Variants in LMBR1 observed in about 807,000 individuals in gnomAD.
LMBR1 encodes the protein limb region 1 protein homolog.
LMBR1 carries 52 observed loss-of-function variants against 73.9 expected under a neutral mutation model. The ratio of observed to expected loss-of-function variants is 0.70; its 90% CI spans 0.56 to 0.89. The LOEUF (loss-of-function observed/expected upper bound fraction) is 0.89, where lower values mean the gene tolerates loss of function less well. Among genes scored for constraint, LMBR1 ranks in the 40% least tolerant of loss-of-function variants. The pLI is 0.00. For synonymous variants in LMBR1, 215 were observed against 209.4 expected, an observed-to-expected ratio of 1.03 and a Z score of -0.23; for missense variants, 539 against 579.8, an observed-to-expected ratio of 0.93 and a Z score of 0.72.
downstream of LMBR1, among the ~76,000 whole-genome samples, chr7:156,675,218 T>TG (rs1445566594): frequency 6.6e-6 from 1 of 152,148 alleles, no homozygotes; most frequent in Admixed American, 6.5e-5. Flanking sequence ...ACAGAGGTCG[T>TG]GGGGAAGCAT....
In LMBR1 at chr7:156,679,906, A is replaced by G. The variant is rs757548341; in HGVS notation, c.*4172T>C. The G allele has an allele frequency of 6.6e-6, 1 of 152,208 alleles. No individual in the cohort carries two copies. Among genetic ancestry groups the G allele is most frequent in the Non-Finnish European group, 1.5e-5 (1 of 68,044 alleles). 9.4% of individuals were successfully genotyped at this position (152,208 alleles called of 1,614,324 possible). Reference sequence around the variant, plus strand: ...GTTAACCTTGAAAAAATTTTTTCCTAATTAAAGAACACAGAATTGGAAGTT... The same window carrying G: ...GTTAACCTTGAAAAAATTTTTTCCTGATTAAAGAACACAGAATTGGAAGTT... On this transcript the variant is annotated 3_prime_UTR_variant, in exon 17 of 17. Coordinates refer to ENST00000353442, the MANE Select transcript of LMBR1 (RefSeq NM_022458.4).
intron 9 of LMBR1, among the ~76,000 whole-genome samples, chr7:156,754,002 C>T (rs1396874396): frequency 6.6e-6 from 1 of 151,718 alleles, no homozygotes; most frequent in African/African-American, 2.4e-5. Context: ...CCTATGATCT[C>T]GAGACTCAGC....
chr7:156,741,457 A>G (rs1010608172), intron 9 of LMBR1, among the ~76,000 whole-genome samples: 2 of 152,226 alleles, frequency 1.3e-5, no homozygotes, highest in African/African-American at 4.8e-5. Flanking sequence ...AGGCATAGAA[A>G]AAGATATTCC....
intron 6 of LMBR1, 147 bp from the exon 7 acceptor site, chr7:156,763,323 TAA>T (rs1823473227): frequency 2.1e-6 from 1 of 471,614 alleles, no homozygotes; most frequent in South Asian, 4.7e-5. Flanking sequence ...ATATAATTTC[TAA>T]ATTGTACAAT....
At chr7:156,889,486 C>T (rs1161514889) in intron 1 of LMBR1, among the ~76,000 whole-genome samples, 3 of 152,172 alleles carry the variant, frequency 2.0e-5, no homozygotes, top group African/African-American at 4.8e-5. Flanking sequence ...TATTTACATT[C>T]ACTCTAAATA....
intron 5 of LMBR1, among the ~76,000 whole-genome samples, chr7:156,795,574 G>A (rs1285285456): frequency 3.3e-5 from 5 of 152,020 alleles, no homozygotes; most frequent in Non-Finnish European, 5.9e-5. Flanking sequence ...TTTATTCTTG[G>A]TTTTTGTTTG....
At chr7:156,783,882 G>C (rs901231869) in intron 5 of LMBR1, among the ~76,000 whole-genome samples, 2 of 152,116 alleles carry the variant, frequency 1.3e-5, no homozygotes, top group Admixed American at 1.3e-4. Context: ...CATCATCAAA[G>C]TGTATGTGTA....
At chr7:156,890,641 CACT>C (rs1802741828) in intron 1 of LMBR1, among the ~76,000 whole-genome samples, 1 of 152,082 alleles carries the variant, frequency 6.6e-6, no homozygotes, top group Non-Finnish European at 1.5e-5. Context: ...GTATGATGAA[CACT>C]ATAACACACT....
intron 9 of LMBR1, among the ~76,000 whole-genome samples, chr7:156,738,784 T>G (rs1818367858): frequency 6.6e-6 from 1 of 151,898 alleles, no homozygotes; most frequent in African/African-American, 2.4e-5. Context: ...ACCTACTGAC[T>G]AAAGAGCCCT....
chr7:156,713,369 G>A (rs116106308), intron 15 of LMBR1, among the ~76,000 whole-genome samples: 1,582 of 151,716 alleles, frequency 0.01, 31 homozygotes, highest in African/African-American at 0.036. Context: ...CACCAGGAAT[G>A]AACCCTAACG....
intron 9 of LMBR1, among the ~76,000 whole-genome samples, chr7:156,742,076 T>C (rs1206018746): frequency 2.6e-5 from 4 of 152,142 alleles, no homozygotes; most frequent in African/African-American, 7.2e-5. Context: ...AAGGGGTAAA[T>C]TGAAAACTTT....
intron 1 of LMBR1, among the ~76,000 whole-genome samples, chr7:156,891,190 C>CAAAAAAAAA (rs58107543): frequency 7.3e-4 from 15 of 20,664 alleles, no homozygotes; most frequent in African/African-American, 2.2e-3. Flanking sequence ...GACTCCATCA[C>CAAAAAAAAA]AAAAAAAAAA....
chr7:156,747,411 C>T (rs181498685), intron 9 of LMBR1, among the ~76,000 whole-genome samples: 17 of 152,184 alleles, frequency 1.1e-4, no homozygotes, highest in African/African-American at 4.1e-4. Flanking sequence ...AGTATTTATT[C>T]AATAACTAAG....
intron 1 of LMBR1, among the ~76,000 whole-genome samples, chr7:156,849,742 A>G (rs7786559): frequency 0.018 from 2,720 of 152,274 alleles, 86 homozygotes; most frequent in African/African-American, 0.061. Context: ...ATTCTGTATG[A>G]TTCTATAAGG....
chr7:156,763,809 T>C lies in LMBR1; in HGVS notation c.424-14A>G. The C allele has an allele frequency of 6.4e-7, 1 of 1,574,748 alleles. No individual in the cohort carries two copies. The highest frequency in any genetic ancestry group is 8.6e-7 in the Non-Finnish European group (1 of 1,166,492). Reference sequence around the variant, plus strand: ...GGCTCGGATTCCCTGAAAAATAGAGTAGAAATATAATTTTAGTATTTTACT... The same window carrying C: ...GGCTCGGATTCCCTGAAAAATAGAGCAGAAATATAATTTTAGTATTTTACT... On this transcript the variant is annotated splice_polypyrimidine_tract_variant and intron_variant, in intron 5 of 16. Coordinates refer to ENST00000353442, the MANE Select transcript of LMBR1 (RefSeq NM_022458.4).
At chr7:156,729,133 G>A (rs538471172) in intron 10 of LMBR1, among the ~76,000 whole-genome samples, 3 of 152,186 alleles carry the variant, frequency 2.0e-5, no homozygotes, top group East Asian at 1.9e-4. Context: ...CACGAACTAC[G>A]ATACCCAGAC....
At chr7:156,872,829 C>T (rs909285598) in intron 1 of LMBR1, among the ~76,000 whole-genome samples, 2 of 152,154 alleles carry the variant, frequency 1.3e-5, no homozygotes, top group South Asian at 2.1e-4. Context: ...AGACTCACAT[C>T]GTGAACCTTT....
chr7:156,839,345 A>AGCC (rs1838235294), intron 1 of LMBR1, among the ~76,000 whole-genome samples: 1 of 152,086 alleles, frequency 6.6e-6, no homozygotes, highest in African/African-American at 2.4e-5. Context: ...CACTGTGCCC[A>AGCC]GCCGCCCATT....
At chr7:156,776,880 T>C (rs900521130) in intron 5 of LMBR1, among the ~76,000 whole-genome samples, 6 of 152,194 alleles carry the variant, frequency 3.9e-5, no homozygotes, top group African/African-American at 1.2e-4. Flanking sequence ...TCAATGCTAC[T>C]TGGCAATCTT....
Sources: allele counts gnomAD v4.1 joint callset (sites outside exome capture counted in the v4.1 genomes callset), GRCh38; gene constraint gnomAD v4.1.1; transcripts MANE v1.5; gene names NCBI Gene and HGNC (gene_info 2026-07-23, HGNC 2026-07-21).